Variants in CCDC171 observed in about 807,000 individuals in gnomAD.
The protein encoded by CCDC171 is coiled-coil domain-containing protein 171.
Under a neutral mutation model 168.2 loss-of-function variants are expected in CCDC171, and 177 were observed. That is an observed-to-expected ratio of 1.05 (90% CI 0.93 to 1.19). CCDC171 has a LOEUF of 1.19. Ranked by LOEUF, CCDC171 falls within the 50% of genes most tolerant of loss-of-function variation. CCDC171 has a pLI of 0.00. For synonymous variants in CCDC171, 687 were observed against 540.8 expected, an observed-to-expected ratio of 1.27 and a Z score of -3.75; for missense variants, 1,991 against 1,539.0, an observed-to-expected ratio of 1.29 and a Z score of -4.91.
chr9:15,700,594 T>C (rs1322525273), intron 11 of CCDC171, among the ~76,000 whole-genome samples: 3 of 152,216 alleles, frequency 2.0e-5, no homozygotes, highest in African/African-American at 4.8e-5. Context: ...GCCAGCACGC[T>C]GTCACCTCTC....
At chr9:15,905,810 A>G (rs1822493650) in intron 24 of CCDC171, among the ~76,000 whole-genome samples, 1 of 152,220 alleles carries the variant, frequency 6.6e-6, no homozygotes. Flanking sequence ...AGAAGAATCA[A>G]ACAGACACAA....
chr9:15,988,637 T>G (rs1051190776), intron 3 of CCDC171, among the ~76,000 whole-genome samples: 2 of 152,176 alleles, frequency 1.3e-5, no homozygotes, highest in Non-Finnish European at 2.9e-5. Context: ...AGGCATCGCC[T>G]CACCCGGGAA....
chr9:15,953,713 C>G lies in CCDC171; in HGVS notation c.3754-17896C>G, dbSNP rs79465008. On this transcript the variant is annotated intron_variant, in intron 25 of 25. Coordinates refer to ENST00000380701, the MANE Select transcript of CCDC171 (RefSeq NM_173550.4). ...CATAAAATTTATTTGGAAGTGTTCC[C>G]TTTTCAATTTTTTTGGAAGAGTTTG... Among the ~76,000 whole-genome samples the G allele has an allele frequency of 4.5e-3, 683 of 152,158 alleles. 5 individuals carry two copies. Among genetic ancestry groups the G allele is most frequent in the African/African-American group, 0.016 (668 of 41,524 alleles).
Position 15,845,291 on chromosome 9 carries a change from C to T in CCDC171, c.3268-1411C>T, listed in dbSNP as rs550554123. ...ATCAGTGACTATTTCTGTGGTGGAA[C>T]GTTTGTGAAGATCTGTTAATAGTGA... On this transcript the variant is annotated intron_variant, in intron 21 of 25. Coordinates refer to ENST00000380701, the MANE Select transcript of CCDC171 (RefSeq NM_173550.4). Among the ~76,000 whole-genome samples, 60 of 151,996 alleles carry T rather than the reference C, an allele frequency of 3.9e-4. 2 individuals are homozygous for T. Among genetic ancestry groups the T allele is most frequent in the African/African-American group, 1.4e-3 (57 of 41,482 alleles).
intron 3 of CCDC171, among the ~76,000 whole-genome samples, chr9:15,990,065 G>A (rs1832135114): frequency 6.6e-6 from 1 of 152,044 alleles, no homozygotes; most frequent in African/African-American, 2.4e-5. Flanking sequence ...TCAAATTCAG[G>A]AAATACAGAG....
intron 21 of CCDC171, among the ~76,000 whole-genome samples, chr9:15,790,262 T>C (rs1294486896): frequency 6.6e-6 from 1 of 152,166 alleles, no homozygotes. Context: ...TCAGCACCTG[T>C]TGTTTCCTTT....
At position 15,744,422 on chromosome 9, in the gene CCDC171, A is replaced by T. The variant is rs942118490; in HGVS notation, c.2199A>T (p.Leu733Phe). Residue 733 changes from leucine to phenylalanine, a missense_variant, in exon 17 of 26, where the codon TTA (leucine) becomes TTT (phenylalanine). By Grantham distance (22) the Leu-to-Phe change is conservative. Transcript: ENST00000380701. ...EQMSLLAACALMAGALYPLYS... is the reference protein window; with the variant it reads ...EQMSLLAACAFMAGALYPLYS... ...TGTCCTTGCTGGCAGCCTGTGCATTAATGGCTGGTGCCTTATATCCCCTCT... is the reference window on the plus strand; with the variant it reads ...TGTCCTTGCTGGCAGCCTGTGCATTTATGGCTGGTGCCTTATATCCCCTCT... 6.2e-7 allele frequency: 1 copy of T among 1,614,044 alleles called. No individual in the cohort carries two copies. Among genetic ancestry groups the T allele is most frequent in the Non-Finnish European group, 8.5e-7 (1 of 1,180,032 alleles).
rs180804478 is a variant in CCDC171, at chr9:15,710,644, G to A, written c.1319-11125G>A. Reference sequence around the variant, plus strand: ...ATGGAGTCTCACTCTTCTCCAGGCTGGAGTACGGTGGCACAATCTCAGCTC... The same window carrying A: ...ATGGAGTCTCACTCTTCTCCAGGCTAGAGTACGGTGGCACAATCTCAGCTC... On this transcript the variant is annotated intron_variant, in intron 11 of 25. Transcript: ENST00000380701. Among the ~76,000 whole-genome samples, 38 of 150,414 alleles carry A rather than the reference G, an allele frequency of 2.5e-4. No homozygotes were observed. In the East Asian group the frequency reaches 5.7e-3, roughly 23 times the overall value.
At chr9:16,098,147 A>G in the CCDC171 span, among the ~76,000 whole-genome samples, 607 of 151,682 alleles carry the variant, frequency 4.0e-3, 3 homozygotes, top group African/African-American at 0.014. Context: ...GAGTTCGGCT[A>G]TCTTTTAGCT....
At chr9:15,700,928 C>A (rs989466823) in intron 11 of CCDC171, among the ~76,000 whole-genome samples, 3 of 151,918 alleles carry the variant, frequency 2.0e-5, no homozygotes, top group Non-Finnish European at 2.9e-5. Flanking sequence ...TTGCTACTAG[C>A]CATTCTAACT....
At chr9:15,640,170 A>T (rs1004869839) in intron 7 of CCDC171, among the ~76,000 whole-genome samples, 1 of 152,144 alleles carries the variant, frequency 6.6e-6, no homozygotes, top group Non-Finnish European at 1.5e-5. Context: ...CATTTGTTTA[A>T]TGGGATTGAA....
intron 1 of CCDC171, among the ~76,000 whole-genome samples, chr9:16,051,366 C>A (rs1412428245): frequency 6.6e-6 from 1 of 152,060 alleles, no homozygotes; most frequent in Non-Finnish European, 1.5e-5. Context: ...TGGTTTTGCC[C>A]CCTGTGCTGG....
chr9:15,807,822 C>T (rs558634211), intron 21 of CCDC171, among the ~76,000 whole-genome samples: 25 of 151,268 alleles, frequency 1.7e-4, no homozygotes, highest in African/African-American at 5.1e-4. Context: ...TCTGTCTTCT[C>T]ACCGGAGCAA....
intron 24 of CCDC171, among the ~76,000 whole-genome samples, chr9:15,904,510 C>T (rs1204309387): frequency 1.1e-4 from 17 of 151,772 alleles, no homozygotes; most frequent in Non-Finnish European, 2.2e-4. Context: ...CCTAAAAGAG[C>T]TCCTGAAGGA....
At chr9:15,923,921 A>G (rs1174021311) in intron 25 of CCDC171, among the ~76,000 whole-genome samples, 2 of 151,380 alleles carry the variant, frequency 1.3e-5, no homozygotes, top group East Asian at 1.9e-4. Context: ...TAGGATTTGT[A>G]GTAACATTCC....
At chr9:15,706,898 C>G (rs946279302) in intron 11 of CCDC171, among the ~76,000 whole-genome samples, 1 of 152,198 alleles carries the variant, frequency 6.6e-6, no homozygotes, top group African/African-American at 2.4e-5. Flanking sequence ...GTATGTGTCA[C>G]CCAGGAATTG....
intron 21 of CCDC171, among the ~76,000 whole-genome samples, chr9:15,834,784 A>G (rs536303473): frequency 6.6e-6 from 1 of 152,356 alleles, no homozygotes; most frequent in South Asian, 2.1e-4. Context: ...ACGTATATGC[A>G]CTCTACAAGG....
At chr9:15,678,653 A>C in intron 9 of CCDC171, 105 bp from the exon 10 acceptor site, 1 of 879,652 alleles carries the variant, frequency 1.1e-6, no homozygotes, top group South Asian at 2.3e-5. Flanking sequence ...GTCTTTTAGC[A>C]TGAACACATG....
At chr9:16,095,640 A>C in the CCDC171 span, among the ~76,000 whole-genome samples, 1 of 152,002 alleles carries the variant, frequency 6.6e-6, no homozygotes, top group African/African-American at 2.4e-5. Context: ...TTCCCCATAG[A>C]AATGAAAGGA....
Sources: gnomAD v4.1 joint callset for allele counts (sites outside exome capture counted in the v4.1 genomes callset) on GRCh38, gnomAD v4.1.1 for gene constraint, MANE v1.5 for transcripts, NCBI Gene and HGNC (gene_info 2026-07-23, HGNC 2026-07-21) for gene names.